The following RARB variants were observed in gnomAD, a reference collection of about 807,000 sequenced individuals.
RARB encodes the protein retinoic acid receptor beta.
In RARB, 17 loss-of-function variants were observed where a neutral mutation model predicts 51.9. The ratio of observed to expected loss-of-function variants is 0.33; its 90% CI spans 0.22 to 0.49. The LOEUF (loss-of-function observed/expected upper bound fraction) is 0.49. RARB is among the 20% of genes least tolerant of loss of function. The pLI, the probability that RARB is intolerant of heterozygous loss-of-function variation, is 0.99. For missense variants in RARB, 369 were observed against 550.8 expected (o/e 0.67, Z 3.30); for synonymous variants, 215 against 195.4 (o/e 1.10, Z -0.84).
chr3:25,532,822 T>C (rs1698982155), intron 3 of RARB, among the ~76,000 whole-genome samples: 1 of 152,190 alleles, frequency 6.6e-6, no homozygotes, highest in Non-Finnish European at 1.5e-5. Flanking sequence ...GATGAGAGAA[T>C]TCCTCCCAGG....
intron 5 of RARB, among the ~76,000 whole-genome samples, chr3:25,310,086 G>A (rs1018794097): frequency 1.3e-5 from 2 of 152,170 alleles, no homozygotes; most frequent in African/African-American, 4.8e-5. Flanking sequence ...TGAATTTGGA[G>A]TGAAAATGAT....
At chr3:25,355,206 G>A (rs1705697334) in intron 5 of RARB, among the ~76,000 whole-genome samples, 1 of 152,128 alleles carries the variant, frequency 6.6e-6, no homozygotes, top group Non-Finnish European at 1.5e-5. Context: ...TAACAGTGGA[G>A]ATTCATGTGG....
chr3:25,490,182 G>A (rs1286653), intron 2 of RARB, among the ~76,000 whole-genome samples: 143,112 of 152,270 alleles, frequency 0.94, 67,337 homozygotes, highest in East Asian at 1. Flanking sequence ...CTCCAGGTTC[G>A]GGATGGAACC....
chr3:25,261,860 G>A (rs978029354), intron 5 of RARB, among the ~76,000 whole-genome samples: 1 of 151,930 alleles, frequency 6.6e-6, no homozygotes, highest in Admixed American at 6.6e-5. Context: ...CCCAAAATTC[G>A]GTGCTTCCTT....
intron 4 of RARB, among the ~76,000 whole-genome samples, chr3:25,577,203 T>A (rs1285495283): frequency 3.3e-5 from 5 of 152,154 alleles, no homozygotes; most frequent in Non-Finnish European, 7.3e-5. Context: ...CACCCTCCGG[T>A]TCGCCCGCGG....
At chr3:25,429,675 AT>A (rs1559397388) in intron 1 of RARB, among the ~76,000 whole-genome samples, 3 of 152,180 alleles carry the variant, frequency 2.0e-5, no homozygotes, top group African/African-American at 7.2e-5. Context: ...TAAAAAAAAA[AT>A]ATTGACTATT....
At chr3:25,243,991 T>C (rs1702493370) in intron 5 of RARB, among the ~76,000 whole-genome samples, 1 of 152,180 alleles carries the variant, frequency 6.6e-6, no homozygotes, top group African/African-American at 2.4e-5. Flanking sequence ...TTTCAGAACT[T>C]GTTATTAGTC....
rs766378555 is a variant in RARB at position 25,421,403 on chromosome 3, C to CTT, written c.179-39763_179-39762dup. ...TTGCACTAACATTTTTTCTTCTTTT[C>CTT]TTTTTTTTTTTTTTTTTTTTTTTTT... On this transcript the variant is annotated intron_variant, in intron 5 of 11. Transcript: ENST00000383772. Among the ~76,000 whole-genome samples, 593 of 72,354 alleles carry CTT rather than the reference C, an allele frequency of 8.2e-3. 72 individuals carry two copies. Among genetic ancestry groups the CTT allele is most frequent in the African/African-American group, 0.025 (391 of 15,496 alleles). 47.5% of individuals were successfully genotyped at this position (72,354 alleles called of 152,430 possible). A position where few individuals can be genotyped will look rare whatever the true frequency, so the allele number is the denominator to read the frequency against.
chr3:24,861,511 T>C (rs996361297), intron 2 of RARB, among the ~76,000 whole-genome samples: 1 of 151,872 alleles, frequency 6.6e-6, no homozygotes, highest in Non-Finnish European at 1.5e-5. Flanking sequence ...CCTATTGATA[T>C]TTACCATATT....
intron 3 of RARB, among the ~76,000 whole-genome samples, chr3:25,110,357 G>C (rs1392667168): frequency 6.6e-6 from 1 of 152,140 alleles, no homozygotes. Context: ...CCTTGATTTT[G>C]TCTCCGAGGA....
intron 5 of RARB, among the ~76,000 whole-genome samples, chr3:25,185,500 C>G (rs983819196): frequency 1.3e-5 from 2 of 151,996 alleles, no homozygotes; most frequent in Non-Finnish European, 2.9e-5. Flanking sequence ...GTGAAATTGG[C>G]CAACCAAAAA....
At chr3:25,353,145 G>C (rs1705627240) in intron 5 of RARB, among the ~76,000 whole-genome samples, 1 of 151,500 alleles carries the variant, frequency 6.6e-6, no homozygotes, top group South Asian at 2.1e-4. Flanking sequence ...TTAAAGTTTA[G>C]ACCCATGATA....
intron 2 of RARB, among the ~76,000 whole-genome samples, chr3:24,869,001 G>C (rs1702899007): frequency 6.6e-6 from 1 of 152,260 alleles, no homozygotes; most frequent in African/African-American, 2.4e-5. Context: ...CCATGTCAAA[G>C]GCCTTTGGTG....
chr3:25,290,040 T>G (rs1010441735), intron 5 of RARB, among the ~76,000 whole-genome samples: 2 of 152,106 alleles, frequency 1.3e-5, no homozygotes, highest in African/African-American at 4.8e-5. Flanking sequence ...GTCCTTGGGT[T>G]GGGGGATTTA....
chr3:25,055,501 TG>T (rs1443567707), intron 2 of RARB, among the ~76,000 whole-genome samples: 2 of 152,182 alleles, frequency 1.3e-5, no homozygotes, highest in African/African-American at 4.8e-5. Context: ...TATAATACTT[TG>T]TTTTATGGAA....
In RARB at chr3:25,459,526, AC is replaced by A. The variant is rs1695068918; in HGVS notation, c.158-1666del. Among the ~76,000 whole-genome samples, 3 of 152,338 alleles carry A rather than the reference AC, an allele frequency of 2.0e-5. No individual in the cohort carries two copies. In the South Asian group the frequency reaches 6.2e-4, roughly 32 times the overall value. ...ACAGATGGATTTTAACATTTGAACA[AC>A]TATCTTGACTGCTTGTTTGAAGAAT... On this transcript the variant is annotated intron_variant, in intron 1 of 7. Coordinates refer to ENST00000330688, the MANE Select transcript of RARB (RefSeq NM_000965.5).
chr3:24,872,644 G>T (rs960754828), intron 2 of RARB, among the ~76,000 whole-genome samples: 2 of 152,018 alleles, frequency 1.3e-5, no homozygotes, highest in African/African-American at 4.8e-5. Context: ...CAGCTCTCAC[G>T]TGAATAGATG....
intron 3 of RARB, among the ~76,000 whole-genome samples, chr3:25,505,005 C>T (rs1037314439): frequency 6.6e-6 from 1 of 152,164 alleles, no homozygotes; most frequent in Admixed American, 6.5e-5. Flanking sequence ...TCTTGAACTC[C>T]TGACCTCAGG....
intron 3 of RARB, among the ~76,000 whole-genome samples, chr3:25,062,477 A>C (rs555022137): frequency 6.6e-6 from 1 of 152,090 alleles, no homozygotes; most frequent in Middle Eastern, 3.4e-3. Flanking sequence ...ACTTCTCAGA[A>C]AATATTCTAC....
Sources: allele counts gnomAD v4.1 joint callset (sites outside exome capture counted in the v4.1 genomes callset), GRCh38; gene constraint gnomAD v4.1.1; transcripts MANE v1.5; gene names NCBI Gene and HGNC (gene_info 2026-07-23, HGNC 2026-07-21).